DNAAF10: variants seen among roughly 807,000 people sequenced by gnomAD.
The protein encoded by DNAAF10 is dynein axonemal assembly factor 10.
Under a neutral mutation model 43.7 loss-of-function variants are expected in DNAAF10, and 28 were observed. That is an observed-to-expected ratio of 0.64 (90% CI 0.48 to 0.88). DNAAF10 has a LOEUF of 0.88. Ranked by LOEUF, DNAAF10 falls within the 40% of genes least tolerant of loss-of-function variation. The pLI is 0.00. For synonymous variants in DNAAF10, 156 were observed against 157.3 expected, an observed-to-expected ratio of 0.99 and a Z score of 0.06; for missense variants, 403 against 439.1, an observed-to-expected ratio of 0.92 and a Z score of 0.73.
At chr2:68,138,206 C>A (rs962133809) in intron 5 of DNAAF10, among the ~76,000 whole-genome samples, 2 of 151,248 alleles carry the variant, frequency 1.3e-5, no homozygotes, top group African/African-American at 4.9e-5. Context: ...AAACAAAAAA[C>A]CCATTTTTTT....
At position 68,157,356 on chromosome 2, in the gene DNAAF10, T is replaced by C. The variant is rs1233817435; in HGVS notation, c.88A>G (p.Ser30Gly). The C allele has an allele frequency of 6.2e-7, 1 of 1,614,208 alleles. No individual in the cohort carries two copies. Among genetic ancestry groups the C allele is most frequent in the East Asian group, 2.2e-5 (1 of 44,880 alleles). The change falls in exon 1 of 8, where the codon AGC becomes GGC. Residue 30 changes from serine (S) to glycine (G), a missense_variant. Coordinates refer to ENST00000295121, the MANE Select transcript of DNAAF10 (RefSeq NM_138458.4). ...TVFDCKWVPC[S>G]AKFVTMGNFA... Reference sequence around the variant, plus strand: ...TTGCCCATGGTCACAAATTTGGCGCTGCAGGGCACCCACTTACAGTCAAAC... The same window carrying C: ...TTGCCCATGGTCACAAATTTGGCGCCGCAGGGCACCCACTTACAGTCAAAC...
chr2:68,134,402 G>A (rs1672987589), intron 7 of DNAAF10: 1 of 1,138,688 alleles, frequency 8.8e-7, no homozygotes. Flanking sequence ...GGCAGTGAGT[G>A]TTCTAATCAC....
At chr2:68,136,799 T>C (rs1034092716) in intron 6 of DNAAF10, among the ~76,000 whole-genome samples, 1 of 152,162 alleles carries the variant, frequency 6.6e-6, no homozygotes, top group Non-Finnish European at 1.5e-5. Context: ...CTCAGCTACC[T>C]CAAATGCAAG....
At chr2:68,152,473 A>ATAC (rs1244401875) in intron 1 of DNAAF10, among the ~76,000 whole-genome samples, 2 of 152,178 alleles carry the variant, frequency 1.3e-5, no homozygotes, top group African/African-American at 4.8e-5. Flanking sequence ...AATAATAATA[A>ATAC]TAGCTAAATT....
chr2:68,145,886 A>G (rs2103624421), intron 2 of DNAAF10, among the ~76,000 whole-genome samples: 1 of 152,246 alleles, frequency 6.6e-6, no homozygotes, highest in Middle Eastern at 3.4e-3. Flanking sequence ...TAACTTACAG[A>G]TTTTTTAAAT....
At chr2:68,154,178 T>C (rs927741817) in intron 1 of DNAAF10, among the ~76,000 whole-genome samples, 1 of 152,320 alleles carries the variant, frequency 6.6e-6, no homozygotes, top group African/African-American at 2.4e-5. Context: ...CTTGAAATAG[T>C]GTGTTCTCAG....
intron 6 of DNAAF10, among the ~76,000 whole-genome samples, chr2:68,136,613 T>C (rs1416956756): frequency 2.6e-5 from 4 of 152,236 alleles, no homozygotes; most frequent in Non-Finnish European, 4.4e-5. Flanking sequence ...TTTCTTTTTA[T>C]ACTTGAGGAA....
chr2:68,146,758 C>A (rs1041879315), intron 2 of DNAAF10, among the ~76,000 whole-genome samples: 2 of 152,074 alleles, frequency 1.3e-5, no homozygotes, highest in Non-Finnish European at 2.9e-5. Context: ...AAGTGAGACT[C>A]AAGAAAGGTC....
chr2:68,134,630 A>C lies in DNAAF10; in HGVS notation c.866+72T>G, dbSNP rs1672993927. Reference sequence around the variant, plus strand: ...AGTCAAAGCAGGAAAAAAAAGAAAAAAAAGTTCAATCTAATCCTACTTTAC... The same window carrying C: ...AGTCAAAGCAGGAAAAAAAAGAAAACAAAGTTCAATCTAATCCTACTTTAC... On this transcript the variant is annotated intron_variant, in intron 7 of 7. Transcript: ENST00000295121. 15 of 1,571,720 alleles carry C rather than the reference A, an allele frequency of 9.5e-6. No homozygotes were observed. The South Asian group carries it at 1.6e-4, about 16-fold the overall frequency.
At chr2:68,150,918 A>G (rs1673442643) in intron 1 of DNAAF10, among the ~76,000 whole-genome samples, 1 of 152,140 alleles carries the variant, frequency 6.6e-6, no homozygotes, top group Admixed American at 6.5e-5. Flanking sequence ...CTACTCCAAT[A>G]TTTTATGGTG....
chr2:68,136,604 T>G (rs917169644), intron 6 of DNAAF10, among the ~76,000 whole-genome samples: 1 of 152,224 alleles, frequency 6.6e-6, no homozygotes, highest in Non-Finnish European at 1.5e-5. Context: ...TGATCTTTCT[T>G]TCTTTTTATA....
intron 1 of DNAAF10, among the ~76,000 whole-genome samples, chr2:68,152,510 T>C (rs1358691419): frequency 6.6e-6 from 1 of 152,122 alleles, no homozygotes; most frequent in Admixed American, 6.6e-5. Flanking sequence ...AGCTAATTTT[T>C]CATAGTTCAC....
intron 1 of DNAAF10, among the ~76,000 whole-genome samples, chr2:68,153,911 G>A (rs533168648): frequency 1.0e-3 from 156 of 151,332 alleles, no homozygotes; most frequent in South Asian, 2.5e-3. Context: ...ACCTGACCAC[G>A]CCCAGCTAAT....
chr2:68,131,340 A>C lies in DNAAF10; in HGVS notation c.972T>G (p.Ile324Met), dbSNP rs2103878966. 1 of 1,614,108 alleles carries C rather than the reference A, an allele frequency of 6.2e-7. No individual in the cohort carries two copies. The highest frequency in any genetic ancestry group is 8.5e-7 in the Non-Finnish European group (1 of 1,180,026). ...LQNVTLSTQPISSLDWSPDKR... is the reference protein window; with the variant it reads ...LQNVTLSTQPMSSLDWSPDKR... ...TATCTGGACTCCAATCCAAACTTGA[A>C]ATGGGCTGGGTGGACAACGTAACAT... The change falls in exon 8 of 8, where the codon ATT becomes ATG. Residue 324 changes from isoleucine to methionine, a missense_variant. By Grantham distance (10) the Ile-to-Met change is conservative. Transcript: ENST00000295121.
intron 4 of DNAAF10, among the ~76,000 whole-genome samples, chr2:68,140,220 A>T (rs1466398113): frequency 1.3e-5 from 2 of 152,132 alleles, no homozygotes; most frequent in African/African-American, 4.8e-5. Context: ...TCCTATCCCA[A>T]TGCTTTCATT....
intron 3 of DNAAF10, among the ~76,000 whole-genome samples, chr2:68,143,633 T>C (rs1244541511): frequency 6.6e-6 from 1 of 152,192 alleles, no homozygotes; most frequent in Non-Finnish European, 1.5e-5. Flanking sequence ...AGTACGGCCA[T>C]ATGATGGAAT....
At chr2:68,150,030 C>A (rs1395205308) in intron 1 of DNAAF10, among the ~76,000 whole-genome samples, 3 of 152,216 alleles carry the variant, frequency 2.0e-5, no homozygotes. Context: ...TTTCTTCCCA[C>A]CAACCAGCTA....
At chr2:68,134,861 G>A (rs1558606545) in intron 6 of DNAAF10, 62 bp from the exon 7 acceptor site, 9 of 1,569,822 alleles carry the variant, frequency 5.7e-6, no homozygotes, top group South Asian at 2.3e-5. Context: ...GAAGAGAAAC[G>A]CTGCAAATAA....
At chr2:68,146,083 G>A (rs370330456) in intron 2 of DNAAF10, among the ~76,000 whole-genome samples, 15 of 152,212 alleles carry the variant, frequency 9.9e-5, no homozygotes, top group East Asian at 3.9e-4. Context: ...CCAACATGGC[G>A]AAACCCCATC....
Sources: allele counts gnomAD v4.1 joint callset (sites outside exome capture counted in the v4.1 genomes callset), GRCh38; gene constraint gnomAD v4.1.1; transcripts MANE v1.5; gene names NCBI Gene and HGNC (gene_info 2026-07-23, HGNC 2026-07-21).